PSD3: variants seen among roughly 807,000 people sequenced by gnomAD.
PSD3 encodes pleckstrin and Sec7 domain containing 3.
In PSD3, 49 loss-of-function variants were observed where a neutral mutation model predicts 105.5. The ratio of observed to expected loss-of-function variants is 0.46; its 90% confidence interval spans 0.37 to 0.59. PSD3 has a LOEUF of 0.59. Among genes scored for constraint, PSD3 ranks in the 20% least tolerant of loss-of-function variants. PSD3 has a pLI of 0.00. For missense variants in PSD3, 1,561 were observed against 1,263.8 expected (o/e 1.24, Z -3.57); for synonymous variants, 557 against 457.8 (o/e 1.22, Z -2.77).
At chr8:18,917,100 C>G (rs762034624) in intron 2 of PSD3, among the ~76,000 whole-genome samples, 1 of 152,130 alleles carries the variant, frequency 6.6e-6, no homozygotes, top group Non-Finnish European at 1.5e-5. Flanking sequence ...CTGCCCAAAG[C>G]AGAAACTACC....
intron 1 of PSD3, among the ~76,000 whole-genome samples, chr8:19,083,419 G>C (rs1339540478): frequency 6.6e-6 from 1 of 152,120 alleles, no homozygotes; most frequent in Non-Finnish European, 1.5e-5. Context: ...ATCAGAGGCA[G>C]AGCCCGTAGA....
chr8:18,535,675 A>G lies in PSD3; in HGVS notation c.*68T>C. Reference sequence around the variant, plus strand: ...TTTTTTTTTTTAAATATATTCACGGATTACCAGAAAGATCTTGAAAAACCC... The same window carrying G: ...TTTTTTTTTTTAAATATATTCACGGGTTACCAGAAAGATCTTGAAAAACCC... On this transcript the variant is annotated 3_prime_UTR_variant, in exon 16 of 16. Transcript: ENST00000327040. 6 of 1,287,412 alleles carry G rather than the reference A, an allele frequency of 4.7e-6. No individual in the cohort carries two copies. Among genetic ancestry groups the G allele is most frequent in the Non-Finnish European group, 6.7e-6 (6 of 894,654 alleles). The allele number at this position is 1,287,412 out of a possible 1,614,324, so 79.7% of individuals were successfully genotyped here.
At position 18,803,908 on chromosome 8, in the gene PSD3, C is replaced by T. The variant is rs548877639; in HGVS notation, c.1910+614G>A. ...GTTTTTAATGCCACTCATTGTATAC[C>T]TAAAAATTGCTAAGATGAAAGATTT... On this transcript the variant is annotated intron_variant, in intron 6 of 15. Coordinates refer to ENST00000327040, the MANE Select transcript of PSD3 (RefSeq NM_015310.4). Among the ~76,000 whole-genome samples the T allele has an allele frequency of 1.2e-3, 176 of 151,850 alleles. 1 individual carries two copies. Among genetic ancestry groups the T allele is most frequent in the Non-Finnish European group, 1.5e-3 (100 of 67,986 alleles).
At chr8:18,810,486 A>G (rs1175489025) in intron 4 of PSD3, among the ~76,000 whole-genome samples, 1 of 152,196 alleles carries the variant, frequency 6.6e-6, no homozygotes, top group Non-Finnish European at 1.5e-5. Context: ...GAACTTTAAT[A>G]AACAGTATAC....
chr8:18,689,305 G>T (rs140553981), intron 9 of PSD3, among the ~76,000 whole-genome samples: 73 of 152,266 alleles, frequency 4.8e-4, no homozygotes, highest in African/African-American at 1.7e-3. Context: ...TATCTTCAGA[G>T]TATCAATGAA....
At chr8:18,599,598 C>T (rs182267806) in intron 12 of PSD3, among the ~76,000 whole-genome samples, 130 of 152,220 alleles carry the variant, frequency 8.5e-4, no homozygotes, top group Middle Eastern at 3.4e-3. Context: ...TTGAATAGTA[C>T]GAGACCCTAT....
At chr8:18,647,008 C>T (rs1808085801) in intron 10 of PSD3, among the ~76,000 whole-genome samples, 1 of 152,162 alleles carries the variant, frequency 6.6e-6, no homozygotes, top group Non-Finnish European at 1.5e-5. Context: ...AATCCCATTG[C>T]CTCTATCATC....
At chr8:18,835,871 C>T (rs1032848849) in intron 4 of PSD3, among the ~76,000 whole-genome samples, 6 of 152,054 alleles carry the variant, frequency 3.9e-5, no homozygotes, top group Admixed American at 6.5e-5. Context: ...GCGGTGTATG[C>T]GGTGTAGATG....
chr8:18,862,887 C>G (rs1236738056), intron 4 of PSD3, among the ~76,000 whole-genome samples: 2 of 125,380 alleles, frequency 1.6e-5, no homozygotes, highest in Admixed American at 8.2e-5. Context: ...GAAATAAGAG[C>G]AAGGCAAAAA....
rs193035432 is a variant in PSD3, at chr8:18,532,628, C to T, written c.*3115G>A. 2.9e-4 allele frequency: 44 copies of T among 152,272 alleles called. No homozygotes were observed. Among genetic ancestry groups the T allele is most frequent in the African/African-American group, 9.4e-4 (39 of 41,562 alleles). The allele number at this position is 152,272 out of a possible 1,614,324, so 9.4% of individuals were successfully genotyped here. On this transcript the variant is annotated 3_prime_UTR_variant, in exon 16 of 16. Transcript: ENST00000327040. ...AAAAGTATTGCTCAGTTTAATTAGA[C>T]ACTGCTGAGAGTTAGCAAAATGATG...
chr8:18,683,522 T>C (rs1800496348), intron 9 of PSD3, among the ~76,000 whole-genome samples: 2 of 152,216 alleles, frequency 1.3e-5, no homozygotes, highest in South Asian at 4.1e-4. Flanking sequence ...AGTCATCTCA[T>C]TTTGAGCACG....
upstream of PSD3, among the ~76,000 whole-genome samples, chr8:19,015,076 G>A (rs556365805): frequency 6.6e-6 from 1 of 152,260 alleles, no homozygotes; most frequent in African/African-American, 2.4e-5. Context: ...TGAATTGTAA[G>A]TCCCGCAGTT....
At chr8:18,674,001 C>T (rs1377303173) in intron 9 of PSD3, among the ~76,000 whole-genome samples, 5 of 151,954 alleles carry the variant, frequency 3.3e-5, no homozygotes, top group Admixed American at 6.6e-5. Flanking sequence ...AAATGAGCTG[C>T]GCATGGTGGT....
chr8:18,963,831 G>A (rs768893622), intron 1 of PSD3, among the ~76,000 whole-genome samples: 14 of 152,182 alleles, frequency 9.2e-5, no homozygotes, highest in Non-Finnish European at 1.6e-4. Flanking sequence ...TGAAAAGAGT[G>A]AGAGGTATAA....
intron 15 of PSD3, among the ~76,000 whole-genome samples, chr8:18,540,311 A>C (rs115643288): frequency 2.0e-3 from 305 of 152,332 alleles, no homozygotes; most frequent in African/African-American, 6.7e-3. Flanking sequence ...ATGCACTGGG[A>C]AACAAAAAAA....
intron 1 of PSD3, among the ~76,000 whole-genome samples, chr8:19,023,362 A>G (rs1169048064): frequency 6.6e-6 from 1 of 152,044 alleles, no homozygotes; most frequent in African/African-American, 2.4e-5. Flanking sequence ...TTCAGTAGCC[A>G]TAGGTAGTTA....
chr8:18,951,377 G>A (rs915715738), intron 1 of PSD3, among the ~76,000 whole-genome samples: 7 of 152,148 alleles, frequency 4.6e-5, no homozygotes, highest in African/African-American at 1.4e-4. Context: ...ACTTCAGCCT[G>A]GGTGACAGAG....
At chr8:18,959,827 G>A (rs941604071) in intron 1 of PSD3, among the ~76,000 whole-genome samples, 2 of 152,192 alleles carry the variant, frequency 1.3e-5, no homozygotes, top group Non-Finnish European at 2.9e-5. Flanking sequence ...AACCAGCTCT[G>A]AACAGAGAGG....
At chr8:18,810,771 A>G (rs1045149327) in intron 4 of PSD3, among the ~76,000 whole-genome samples, 5 of 152,200 alleles carry the variant, frequency 3.3e-5, no homozygotes, top group African/African-American at 1.2e-4. Context: ...TTCAGCTGCA[A>G]GTGGAATAAA....
Sources: gnomAD v4.1 joint callset for allele counts (sites outside exome capture counted in the v4.1 genomes callset) on GRCh38, gnomAD v4.1.1 for gene constraint, MANE v1.5 for transcripts, NCBI Gene and HGNC (gene_info 2026-07-23, HGNC 2026-07-21) for gene names.